KIRREL3: variants seen among roughly 807,000 people sequenced by gnomAD.
KIRREL3 encodes the protein kirre like nephrin family adhesion molecule 3.
In KIRREL3, 36 loss-of-function variants were observed where a neutral mutation model predicts 89.7. The observed-to-expected ratio is 0.40, with a 90% CI of 0.31 to 0.53. The LOEUF (loss-of-function observed/expected upper bound fraction) is 0.53, where lower values mean the gene tolerates loss of function less well. KIRREL3 is among the 20% of genes least tolerant of loss of function. KIRREL3 has a pLI of 0.49. For synonymous variants in KIRREL3, 445 were observed against 441.4 expected, an observed-to-expected ratio of 1.01 and a Z score of -0.10; for missense variants, 864 against 1,056.6, an observed-to-expected ratio of 0.82 and a Z score of 2.53.
Position 126,565,562 on chromosome 11 carries a change from TCTGA to T in KIRREL3, c.56-2654_56-2651del, listed in dbSNP as rs1289397168. Among the ~76,000 whole-genome samples the T allele has an allele frequency of 1.3e-5, 2 of 152,226 alleles. No individual in the cohort carries two copies. Among genetic ancestry groups the T allele is most frequent in the African/African-American group, 2.4e-5 (1 of 41,464 alleles). Reference sequence around the variant, plus strand: ...AGAAATTTATTAAGTGCGAGGGCTCTCTGACTGAGACTTTGTAGAGAAGTGGGGA... The same window carrying T: ...AGAAATTTATTAAGTGCGAGGGCTCTCTGAGACTTTGTAGAGAAGTGGGGA... On this transcript the variant is annotated intron_variant, in intron 1 of 16. Transcript: ENST00000525144. This position sits in a 1 kb window ranked among gnomAD's most constrained non-coding sequence, Gnocchi z 5.4.
In KIRREL3 at chr11:126,734,451, G is replaced by A. The variant is rs1948735676; in HGVS notation, c.56-171539C>T. 6.6e-6 allele frequency among the ~76,000 whole-genome samples: 1 copy of A among 152,070 alleles called. No individual in the cohort carries two copies. The highest frequency in any genetic ancestry group is 2.1e-4 in the South Asian group (1 of 4,812). On this transcript the variant is annotated intron_variant, in intron 1 of 16. Transcript: ENST00000525144. The surrounding 1 kb of genome is among the most constrained non-coding windows in gnomAD (Gnocchi z 5.9). ...GGCTGAGGTGGGTGGATCACCTGAG[G>A]TCAGGAGTTCGAGACCAGCCTGACC...
At chr11:126,573,257 G>T (rs531713407) in intron 1 of KIRREL3, among the ~76,000 whole-genome samples, 1 of 152,204 alleles carries the variant, frequency 6.6e-6, no homozygotes, top group Non-Finnish European at 1.5e-5. Context: ...GGAATGCTGC[G>T]CACCTTCACT....
At chr11:126,493,096 T>C (rs1243058316) in intron 4 of KIRREL3, among the ~76,000 whole-genome samples, 1 of 152,130 alleles carries the variant, frequency 6.6e-6, no homozygotes, top group Admixed American at 6.5e-5. Flanking sequence ...GGCAGTGAGG[T>C]AGGCAGAGTA....
chr11:126,529,912 G>A (rs1313085315), intron 2 of KIRREL3, among the ~76,000 whole-genome samples: 3 of 147,672 alleles, frequency 2.0e-5, no homozygotes, highest in Non-Finnish European at 4.4e-5. Context: ...TATCTAGAGT[G>A]GATAAAAGTT....
chr11:126,459,083 G>A lies in KIRREL3; in HGVS notation c.743-2629C>T, dbSNP rs1160664607. Among the ~76,000 whole-genome samples the A allele has an allele frequency of 1.3e-5, 2 of 152,094 alleles. No homozygotes were observed. Among genetic ancestry groups the A allele is most frequent in the Non-Finnish European group, 1.5e-5 (1 of 68,018 alleles). ...TTGGGAATCGCCACCGGATCCAAACGCATTGCTGGCCCGTGCCCTCGCATT... is the reference window on the plus strand; with the variant it reads ...TTGGGAATCGCCACCGGATCCAAACACATTGCTGGCCCGTGCCCTCGCATT... On this transcript the variant is annotated intron_variant, in intron 6 of 16. Transcript: ENST00000525144. This position sits in a 1 kb window ranked among gnomAD's most constrained non-coding sequence, Gnocchi z 4.8.
chr11:126,514,844 C>T (rs1421934623), intron 4 of KIRREL3, among the ~76,000 whole-genome samples: 1 of 147,114 alleles, frequency 6.8e-6, no homozygotes. Context: ...CAACACAACA[C>T]AACACAACAC....
At chr11:126,746,393 C>T (rs1333993991) in intron 1 of KIRREL3, among the ~76,000 whole-genome samples, 1 of 152,162 alleles carries the variant, frequency 6.6e-6, no homozygotes, top group Admixed American at 6.5e-5. Flanking sequence ...ACTTCAGGAT[C>T]AGCTTTCAGC....
chr11:126,633,887 A>G (rs1944154957), intron 1 of KIRREL3, among the ~76,000 whole-genome samples: 1 of 152,248 alleles, frequency 6.6e-6, no homozygotes, highest in African/African-American at 2.4e-5. Flanking sequence ...CAGGAAGAGC[A>G]TAAGTAACAG....
chr11:126,437,159 T>A (rs908873135), intron 11 of KIRREL3, 150 bp from the exon 12 acceptor site: 1 of 674,966 alleles, frequency 1.5e-6, no homozygotes, highest in African/African-American at 1.8e-5. Context: ...CAGGCACACA[T>A]GCCACACACC....
intron 1 of KIRREL3, among the ~76,000 whole-genome samples, chr11:126,580,916 T>C (rs373114688): frequency 1.3e-5 from 2 of 151,796 alleles, no homozygotes; most frequent in African/African-American, 4.8e-5. Flanking sequence ...CCTTTCAGTC[T>C]TTGCATGTGC....
rs536902138 is a variant in KIRREL3, at chr11:126,500,516, G to C, written c.433+20799C>G. Among the ~76,000 whole-genome samples, 160 of 152,270 alleles carry C rather than the reference G, an allele frequency of 1.1e-3. 2 individuals carry two copies. The highest frequency in any genetic ancestry group is 2.1e-3 in the South Asian group (10 of 4,828). The stretch of plus-strand genomic sequence containing the variant: ...GCACTTCGGGAGGCCGAGGCGAGTG[G>C]ATCACTTGAGATCAGGAATTCGAGA... On this transcript the variant is annotated intron_variant, in intron 4 of 16. Transcript: ENST00000525144.
chr11:126,844,010 C>T lies in KIRREL3; in HGVS notation c.55+156445G>A, dbSNP rs1944050943. On this transcript the variant is annotated intron_variant, in intron 1 of 16. Coordinates refer to ENST00000525144, the MANE Select transcript of KIRREL3 (RefSeq NM_032531.4). The surrounding 1 kb of genome is among the most constrained non-coding windows in gnomAD (Gnocchi z 4.8). ...CTATGGAGTAGCCATTCTTTTGTTC[C>T]TTTACTTTCTTAATAAACTTGCTTT... Among the ~76,000 whole-genome samples, 1 of 152,166 alleles carries T rather than the reference C, an allele frequency of 6.6e-6. No homozygotes were observed. Among genetic ancestry groups the T allele is most frequent in the Non-Finnish European group, 1.5e-5 (1 of 68,024 alleles).
rs1452189668 is a variant in KIRREL3, at chr11:126,763,678, C to A, written c.56-200766G>T. 6.6e-6 allele frequency among the ~76,000 whole-genome samples: 1 copy of A among 152,168 alleles called. No homozygotes were observed. Among genetic ancestry groups the A allele is most frequent in the South Asian group, 2.1e-4 (1 of 4,822 alleles). ...TATCTTCCCCATACTTGCTGCATGA[C>A]CTTCAATGAGTTCCCACGCTTTTGA... On this transcript the variant is annotated intron_variant, in intron 1 of 16. Transcript: ENST00000525144. This position sits in a 1 kb window ranked among gnomAD's most constrained non-coding sequence, Gnocchi z 4.7.
Position 126,765,654 on chromosome 11 carries a change from C to T in KIRREL3, c.56-202742G>A, listed in dbSNP as rs1949800094. 2.6e-5 allele frequency among the ~76,000 whole-genome samples: 4 copies of T among 152,284 alleles called. No homozygotes were observed. The South Asian group carries it at 8.3e-4, about 32-fold the overall frequency. ...TACTATAATTTTCTTCACTGTCTCCCTTTAATGAGGTCGAAGGCCAGGCAA... is the reference window on the plus strand; with the variant it reads ...TACTATAATTTTCTTCACTGTCTCCTTTTAATGAGGTCGAAGGCCAGGCAA... On this transcript the variant is annotated intron_variant, in intron 1 of 16. Coordinates refer to ENST00000525144, the MANE Select transcript of KIRREL3 (RefSeq NM_032531.4).
chr11:126,452,812 C>A (rs1423079331), intron 7 of KIRREL3, among the ~76,000 whole-genome samples: 1 of 152,166 alleles, frequency 6.6e-6, no homozygotes, highest in Non-Finnish European at 1.5e-5. Flanking sequence ...GGAGGTGCCT[C>A]AGGACCCGAC....
chr11:126,671,321 G>A (rs1010660714), intron 1 of KIRREL3, among the ~76,000 whole-genome samples: 4 of 150,276 alleles, frequency 2.7e-5, no homozygotes, highest in African/African-American at 7.4e-5. Flanking sequence ...CCCTGCCTCA[G>A]CCTCCTGAGT....
intron 1 of KIRREL3, among the ~76,000 whole-genome samples, chr11:126,925,839 C>T (rs12223167): frequency 0.019 from 2,902 of 152,314 alleles, 100 homozygotes; most frequent in East Asian, 0.13. Context: ...CTCCTGCCAC[C>T]GCATGTCCCC....
chr11:126,576,536 T>C lies in KIRREL3; in HGVS notation c.56-13624A>G, dbSNP rs145310421. Among the ~76,000 whole-genome samples, 1,432 of 152,300 alleles carry C rather than the reference T, an allele frequency of 9.4e-3. 24 individuals carry two copies. Among genetic ancestry groups the C allele is most frequent in the African/African-American group, 0.033 (1,355 of 41,560 alleles). ...CGTAATTTAGAGGTAGGAAGTTTCA[T>C]GTGGGTTTGGGCAAATTATTAAACA... On this transcript the variant is annotated intron_variant, in intron 1 of 16. Transcript: ENST00000525144. This position sits in a 1 kb window ranked among gnomAD's most constrained non-coding sequence, Gnocchi z 5.4.
rs1296585601 is a variant in KIRREL3 at position 126,521,358 on chromosome 11, G to A, written c.390C>T (p.Ile130=). Residue 130 remains isoleucine (I), a synonymous_variant, in exon 4 of 17, where the codon ATC becomes ATT. Coordinates refer to ENST00000525144, the MANE Select transcript of KIRREL3 (RefSeq NM_032531.4). This position sits in a 1 kb window ranked among gnomAD's most constrained non-coding sequence, Gnocchi z 4.1. ...CGGGGCGGGAGCGGATGGCGGCCTG[G>A]ATGGCCTGGCACTCGTACACCGCAT... ...QDDAVYECQA[I]QAAIRSRPAR... is the part of the protein sequence containing the mutation. 1.5e-5 allele frequency: 23 copies of A among 1,555,730 alleles called. No homozygotes were observed. The highest frequency in any genetic ancestry group is 2.4e-5 in the East Asian group (1 of 41,178).
Sources: gnomAD v4.1 joint callset for allele counts (sites outside exome capture counted in the v4.1 genomes callset) on GRCh38, gnomAD v4.1.1 for gene constraint, Gnocchi (gnomAD v3.1) non-coding constraint, MANE v1.5 for transcripts, NCBI Gene and HGNC (gene_info 2026-07-23, HGNC 2026-07-21) for gene names.